Variants in NLGN1 observed in about 807,000 individuals in gnomAD.
NLGN1 encodes the protein neuroligin-1.
A neutral mutation model predicts 65.5 loss-of-function variants in NLGN1; 12 were observed. The observed-to-expected ratio is 0.18, with a 90% CI of 0.12 to 0.30. The LOEUF is 0.30. Among genes scored for constraint, NLGN1 ranks in the 10% least tolerant of loss-of-function variants. The pLI is 1.00. For missense variants in NLGN1, 750 were observed against 1,007.1 expected, an observed-to-expected ratio of 0.74 and a Z score of 3.46; for synonymous variants, 350 against 359.5, an observed-to-expected ratio of 0.97 and a Z score of 0.30.
chr3:173,416,394 T>C (rs1323656265), intron 1 of NLGN1, among the ~76,000 whole-genome samples: 2 of 152,208 alleles, frequency 1.3e-5, no homozygotes, highest in African/African-American at 4.8e-5. Context: ...TCTGTTCTTT[T>C]GGTGATAACT....
chr3:173,397,836 G>A (rs1716896600), upstream of NLGN1: 1 of 152,244 alleles, frequency 6.6e-6, no homozygotes, highest in African/African-American at 2.4e-5. Flanking sequence ...GGGAGACACG[G>A]CAGGAAAGGC....
intron 4 of NLGN1, among the ~76,000 whole-genome samples, chr3:174,076,665 C>A (rs1415000433): frequency 6.8e-6 from 1 of 146,688 alleles, no homozygotes; most frequent in Non-Finnish European, 1.5e-5. Flanking sequence ...TAGTTCCTTT[C>A]TCCTCTGGGA....
intron 3 of NLGN1, among the ~76,000 whole-genome samples, chr3:173,626,592 T>G (rs1056836566): frequency 3.3e-5 from 5 of 152,094 alleles, no homozygotes; most frequent in Non-Finnish European, 5.9e-5. Flanking sequence ...TTGCTAATAT[T>G]TTTTAGAAAT....
chr3:173,621,611 T>C (rs1322187495), intron 3 of NLGN1, among the ~76,000 whole-genome samples: 2 of 151,914 alleles, frequency 1.3e-5, no homozygotes, highest in East Asian at 1.9e-4. Context: ...AGACTAGATA[T>C]GGGGTAATAG....
At chr3:173,711,349 G>T (rs1768943879) in intron 3 of NLGN1, among the ~76,000 whole-genome samples, 1 of 152,140 alleles carries the variant, frequency 6.6e-6, no homozygotes, top group South Asian at 2.1e-4. Flanking sequence ...TCAGTTCAGG[G>T]AGAAGTAGGA....
chr3:173,776,042 A>G (rs1045527040), intron 3 of NLGN1, among the ~76,000 whole-genome samples: 14 of 152,028 alleles, frequency 9.2e-5, no homozygotes, highest in Admixed American at 7.2e-4. Flanking sequence ...CAAACTGTTT[A>G]TTGCTATAGA....
intron 4 of NLGN1, among the ~76,000 whole-genome samples, chr3:173,814,032 C>T (rs1718513257): frequency 6.6e-6 from 1 of 152,176 alleles, no homozygotes; most frequent in Non-Finnish European, 1.5e-5. Context: ...GCGGCGAGGC[C>T]GAGGGCTAGG....
intron 2 of NLGN1, among the ~76,000 whole-genome samples, chr3:173,462,884 A>C (rs1345750513): frequency 6.6e-6 from 1 of 152,174 alleles, no homozygotes. Flanking sequence ...CTGAGACTTT[A>C]TTTTGGCAGT....
intron 4 of NLGN1, among the ~76,000 whole-genome samples, chr3:173,986,511 A>T (rs1276172075): frequency 6.6e-6 from 1 of 152,096 alleles, no homozygotes; most frequent in Non-Finnish European, 1.5e-5. Flanking sequence ...GATGGGGGGA[A>T]ATTTGGACAC....
At chr3:174,160,907 C>T (rs1726373853) in intron 4 of NLGN1, among the ~76,000 whole-genome samples, 1 of 151,250 alleles carries the variant, frequency 6.6e-6, no homozygotes, top group Admixed American at 6.6e-5. Context: ...ACCCATGAAC[C>T]ATACCCACCT....
chr3:173,551,478 G>T lies in NLGN1; in HGVS notation c.-320-52801G>T, dbSNP rs531025375. Among the ~76,000 whole-genome samples the T allele has an allele frequency of 9.9e-4, 150 of 152,180 alleles. 1 individual carries two copies. Among genetic ancestry groups the T allele is most frequent in the Middle Eastern group, 6.8e-3 (2 of 294 alleles). On this transcript the variant is annotated intron_variant, in intron 2 of 6. Coordinates refer to ENST00000457714, the Ensembl canonical transcript of NLGN1. ...AATTGTTTCATGTTTTTTAAATATT[G>T]TGTTTGACATCAATTCTTGTTAATG...
chr3:173,609,016 C>T lies in NLGN1; in HGVS notation c.493+3925C>T, dbSNP rs776356686. Among the ~76,000 whole-genome samples the T allele has an allele frequency of 2.6e-5, 4 of 151,970 alleles. No individual in the cohort carries two copies. The East Asian group carries it at 7.7e-4, about 29-fold the overall frequency. Reference sequence around the variant, plus strand: ...CCTCCTGGCTGCTATCAAGGAGTTGCTTTAACTTGCTTAAGTTTCCCTCTG... The same window carrying T: ...CCTCCTGGCTGCTATCAAGGAGTTGTTTTAACTTGCTTAAGTTTCCCTCTG... On this transcript the variant is annotated intron_variant, in intron 3 of 6. Transcript: ENST00000457714.
At position 174,279,902 on chromosome 3, in the gene NLGN1, T is replaced by G. The variant is rs1343817070; in HGVS notation, c.1649+252T>G. Among the ~76,000 whole-genome samples, 1 of 152,014 alleles carries G rather than the reference T, an allele frequency of 6.6e-6. No individual in the cohort carries two copies. Reference sequence around the variant, plus strand: ...ACTTAATTACATCTGCTTTTGGTTTTTGAATTATACAAGACTTGTTATTGT... The same window carrying G: ...ACTTAATTACATCTGCTTTTGGTTTGTGAATTATACAAGACTTGTTATTGT... On this transcript the variant is annotated intron_variant, in intron 6 of 6. Coordinates refer to ENST00000457714, the Ensembl canonical transcript of NLGN1. The surrounding 1 kb of genome is among the most constrained non-coding windows in gnomAD (Gnocchi z 4.7).
intron 3 of NLGN1, chr3:173,800,143 A>G (rs942752945): frequency 6.2e-6 from 1 of 161,168 alleles, no homozygotes; most frequent in Non-Finnish European, 1.3e-5. Context: ...AAACAAAAAT[A>G]GGTAGTCAAT....
intron 3 of NLGN1, among the ~76,000 whole-genome samples, chr3:173,715,325 T>G (rs1488642708): frequency 6.6e-6 from 1 of 152,190 alleles, no homozygotes; most frequent in Non-Finnish European, 1.5e-5. Flanking sequence ...ATTCTACAAT[T>G]ATCATGTGGA....
At chr3:173,915,443 C>G (rs1391581190) in intron 4 of NLGN1, among the ~76,000 whole-genome samples, 1 of 152,282 alleles carries the variant, frequency 6.6e-6, no homozygotes, top group East Asian at 1.9e-4. Context: ...AAGTCTATAT[C>G]TGCAGGAAGA....
chr3:173,712,769 G>GT (rs1175734975), intron 3 of NLGN1, among the ~76,000 whole-genome samples: 2 of 151,904 alleles, frequency 1.3e-5, no homozygotes, highest in African/African-American at 2.4e-5. Flanking sequence ...AACTAGTTGT[G>GT]TTTTTTTCTT....
At chr3:173,938,558 CA>C (rs1553895544) in intron 4 of NLGN1, among the ~76,000 whole-genome samples, 1 of 152,120 alleles carries the variant, frequency 6.6e-6, no homozygotes, top group Non-Finnish European at 1.5e-5. Flanking sequence ...CCCGTGTTGA[CA>C]TATACTGCTA....
At chr3:174,071,073 A>T (rs774974908) in intron 4 of NLGN1, among the ~76,000 whole-genome samples, 5 of 152,136 alleles carry the variant, frequency 3.3e-5, no homozygotes, top group Non-Finnish European at 5.9e-5. Context: ...TAAATAAATA[A>T]GTAGTAATGG....
Sources: gnomAD v4.1 joint callset for allele counts (sites outside exome capture counted in the v4.1 genomes callset) on GRCh38, gnomAD v4.1.1 for gene constraint, Gnocchi (gnomAD v3.1) non-coding constraint, MANE v1.5 for transcripts, NCBI Gene and HGNC (gene_info 2026-07-23, HGNC 2026-07-21) for gene names.